The following KDM4C variants were observed in gnomAD, a reference collection of about 807,000 sequenced individuals.
KDM4C encodes the protein lysine demethylase 4C, also known as lysine-specific demethylase 4C.
A neutral mutation model predicts 129.3 loss-of-function variants in KDM4C; 81 were observed. That is an observed-to-expected ratio of 0.63 (90% confidence interval 0.52 to 0.75). The LOEUF (loss-of-function observed/expected upper bound fraction) is 0.75, where lower values mean the gene tolerates loss of function less well. KDM4C is among the 30% of genes least tolerant of loss of function. The pLI, the probability that KDM4C is intolerant of heterozygous loss-of-function variation, is 0.00. For missense variants in KDM4C, 1,457 were observed against 1,304.0 expected (o/e 1.12, Z -1.81); for synonymous variants, 573 against 456.1 (o/e 1.26, Z -3.26).
chr9:6,733,525 G>A (rs1049901946), intron 1 of KDM4C, among the ~76,000 whole-genome samples: 15 of 152,138 alleles, frequency 9.9e-5, no homozygotes, highest in African/African-American at 2.9e-4. Flanking sequence ...AACTTCTTGC[G>A]TTTGGCTTTT....
At chr9:7,157,484 G>A (rs1391604760) in intron 19 of KDM4C, among the ~76,000 whole-genome samples, 1 of 152,192 alleles carries the variant, frequency 6.6e-6, no homozygotes, top group Non-Finnish European at 1.5e-5. Context: ...GATATTGGCT[G>A]TGGGTTTGTC....
At chr9:6,978,958 G>A (rs1015311391) in intron 8 of KDM4C, 1 of 149,356 alleles carries the variant, frequency 6.7e-6, no homozygotes, top group Non-Finnish European at 1.5e-5. Flanking sequence ...TTTTTTTTCT[G>A]AGACACTTTC....
At chr9:6,996,731 G>A (rs1819827045) in intron 12 of KDM4C, among the ~76,000 whole-genome samples, 1 of 152,204 alleles carries the variant, frequency 6.6e-6, no homozygotes, top group Non-Finnish European at 1.5e-5. Context: ...TGACAGTGAA[G>A]TTTTGTTGGA....
At chr9:6,749,917 C>T (rs777035811) in intron 1 of KDM4C, among the ~76,000 whole-genome samples, 1 of 127,774 alleles carries the variant, frequency 7.8e-6, no homozygotes, top group African/African-American at 3.0e-5. Flanking sequence ...ACCAGGGGGG[C>T]GGAGGTTGCA....
At chr9:7,067,326 C>A (rs1832561307) in intron 17 of KDM4C, among the ~76,000 whole-genome samples, 2 of 152,354 alleles carry the variant, frequency 1.3e-5, no homozygotes, top group Admixed American at 6.5e-5. Context: ...GTACGTTCTG[C>A]ATAGATAAAG....
intron 18 of KDM4C, among the ~76,000 whole-genome samples, chr9:7,117,798 A>G (rs183435612): frequency 1.0e-3 from 153 of 152,238 alleles, no homozygotes; most frequent in African/African-American, 3.4e-3. Flanking sequence ...GCATCTGGGA[A>G]CTCACTGATT....
In KDM4C at chr9:7,156,984, A is replaced by G. The variant is rs12001826; in HGVS notation, c.2782-8254A>G. ...ACAATATTGATTCTTCCTATCCATG[A>G]GCATGGAATGTTCTTCCATTTGTTT... On this transcript the variant is annotated intron_variant, in intron 19 of 21. Coordinates refer to ENST00000381309, the MANE Select transcript of KDM4C (RefSeq NM_015061.6). Among the ~76,000 whole-genome samples, 1,379 of 152,344 alleles carry G rather than the reference A, an allele frequency of 9.1e-3. 22 individuals carry two copies. The highest frequency in any genetic ancestry group is 0.032 in the African/African-American group (1,315 of 41,574).
chr9:6,805,691 G>T lies in KDM4C; in HGVS notation c.237G>T (p.Gly79=), dbSNP rs765755199. 133 of 1,613,956 alleles carry T rather than the reference G, an allele frequency of 8.2e-5. No homozygotes were observed. The highest frequency in any genetic ancestry group is 1.1e-4 in the Non-Finnish European group (130 of 1,179,990). Residue 79 remains glycine (G), a synonymous_variant, in exon 3 of 22, where the codon GGG becomes GGT. Coordinates refer to ENST00000381309, the MANE Select transcript of KDM4C (RefSeq NM_015061.6). ...IPAPIQQMVT[G]QSGLFTQYNI... ...CACCAATTCAGCAGATGGTCACAGG[G>T]CAGTCAGGACTGTTCACTCAGTACA...
intron 4 of KDM4C, among the ~76,000 whole-genome samples, chr9:6,842,624 C>T (rs1177378322): frequency 6.6e-6 from 1 of 152,042 alleles, no homozygotes; most frequent in Non-Finnish European, 1.5e-5. Flanking sequence ...ACGTGAGCTA[C>T]TGCACCAGGA....
chr9:6,865,750 T>A (rs1044619894), intron 5 of KDM4C, among the ~76,000 whole-genome samples: 7 of 103,898 alleles, frequency 6.7e-5, no homozygotes, highest in Admixed American at 2.7e-4. Context: ...TAATTTATTT[T>A]ATTTATTTTT....
At chr9:6,933,502 A>G (rs1824141088) in intron 8 of KDM4C, among the ~76,000 whole-genome samples, 1 of 152,230 alleles carries the variant, frequency 6.6e-6, no homozygotes, top group South Asian at 2.1e-4. Context: ...GATGATGAAC[A>G]GTATTCTTCC....
chr9:6,845,348 G>A (rs1452218023), intron 4 of KDM4C, among the ~76,000 whole-genome samples: 10 of 152,156 alleles, frequency 6.6e-5, no homozygotes, highest in Admixed American at 6.5e-4. Context: ...CCATGTAGCA[G>A]GGATTACAGG....
At chr9:7,169,439 G>A (rs995593932) in intron 20 of KDM4C, among the ~76,000 whole-genome samples, 14 of 152,108 alleles carry the variant, frequency 9.2e-5, no homozygotes, top group African/African-American at 1.9e-4. Flanking sequence ...AGCTTCAAGC[G>A]GGTCTCCTGC....
At position 6,984,398 on chromosome 9, in the gene KDM4C, C is replaced by G. The variant is rs770923864; in HGVS notation, c.1348C>G (p.Leu450Val). 6.2e-6 allele frequency: 10 copies of G among 1,603,778 alleles called. No homozygotes were observed. Among genetic ancestry groups the G allele is most frequent in the Non-Finnish European group, 8.5e-6 (10 of 1,170,950 alleles). Reference protein sequence around the residue: ...VEQNLSDHIKLSGNSCLSTSV... With the variant: ...VEQNLSDHIKVSGNSCLSTSV... ...GCAGAATTTATCAGATCATATCAAA[C>G]TCTCAGGTGAGAAGATGGTTGATTA... The change falls in exon 10 of 22, where the codon CTC (leucine) becomes GTC (valine). Residue 450 changes from leucine to valine, a missense_variant. Transcript: ENST00000381309.
chr9:6,760,833 A>G (rs1819328407), intron 1 of KDM4C, among the ~76,000 whole-genome samples: 3 of 151,482 alleles, frequency 2.0e-5, no homozygotes, highest in Admixed American at 2.0e-4. Flanking sequence ...CAGCCTCCCA[A>G]AGTGCTGGGA....
chr9:6,800,103 C>G (rs1428717569), intron 2 of KDM4C, among the ~76,000 whole-genome samples: 3 of 152,126 alleles, frequency 2.0e-5, no homozygotes, highest in African/African-American at 7.2e-5. Flanking sequence ...CACAGTGACT[C>G]ACGCCTGTAA....
intron 1 of KDM4C, among the ~76,000 whole-genome samples, chr9:6,750,215 C>T (rs939685923): frequency 3.3e-5 from 5 of 151,364 alleles, no homozygotes; most frequent in African/African-American, 1.2e-4. Context: ...CTGAGGTGGG[C>T]GGATCACGAA....
intron 17 of KDM4C, among the ~76,000 whole-genome samples, chr9:7,052,936 G>A (rs1056051629): frequency 2.6e-4 from 12 of 46,388 alleles, no homozygotes; most frequent in Admixed American, 6.0e-4. Context: ...ATAGAGCATC[G>A]AAAGTACTGC....
intron 13 of KDM4C, among the ~76,000 whole-genome samples, 170 bp from the exon 14 acceptor site, chr9:7,013,618 C>T (rs1157127573): frequency 6.6e-6 from 1 of 151,936 alleles, no homozygotes; most frequent in Non-Finnish European, 1.5e-5. Flanking sequence ...GGGTGGGAGT[C>T]TGAGGTGGAA....
Sources: gnomAD v4.1 joint callset for allele counts (sites outside exome capture counted in the v4.1 genomes callset) on GRCh38, gnomAD v4.1.1 for gene constraint, MANE v1.5 for transcripts, NCBI Gene and HGNC (gene_info 2026-07-23, HGNC 2026-07-21) for gene names.